Variants in SYTL1 observed in about 807,000 individuals in gnomAD.
SYTL1 encodes the protein synaptotagmin like 1, also known as synaptotagmin-like protein 1.
In SYTL1, 53 loss-of-function variants were observed where a neutral mutation model predicts 74.6. The ratio of observed to expected loss-of-function variants is 0.71; its 90% confidence interval spans 0.57 to 0.89. SYTL1 has a LOEUF of 0.89. Ranked by LOEUF, SYTL1 falls within the 40% of genes least tolerant of loss-of-function variation. SYTL1 has a pLI of 0.00. For synonymous variants in SYTL1, 329 were observed against 324.9 expected (o/e 1.01, Z -0.14); for missense variants, 728 against 768.7 (o/e 0.95, Z 0.63).
chr1:27,353,679 A>T, intron 14 of SYTL1, 34 bp from the exon 15 acceptor site: 1 of 1,601,800 alleles, frequency 6.2e-7, no homozygotes, highest in East Asian at 2.2e-5. Flanking sequence ...GTCCAGTGTG[A>T]TCATGCCCTC....
Position 27,353,437 on chromosome 1 carries a change from G to A in SYTL1, c.1498G>A (p.Gly500Arg), listed in dbSNP as rs1557548964. ...ACAELSLWDH[G>R]ALANRQLGGT... ...TGCCGAGCTCTCCCTCTGGGACCAT[G>A]GGGCCCTGGCCAACCGCCAGCTGGG... The change falls in exon 14 of 15, where the codon GGG becomes AGG. Residue 500 changes from glycine (G) to arginine (R), a missense_variant. By Grantham distance (125) the Gly-to-Arg change is moderately radical (BLOSUM62 -2). Transcript: ENST00000616558. 2 of 1,610,050 alleles carry A rather than the reference G, an allele frequency of 1.2e-6. No individual in the cohort carries two copies. The highest frequency in any genetic ancestry group is 1.7e-6 in the Non-Finnish European group (2 of 1,178,864).
At position 27,345,320 on chromosome 1, in the gene SYTL1, G is replaced by A. The variant is rs1004986841; in HGVS notation, c.-15G>A. On this transcript the variant is annotated 5_prime_UTR_variant, in exon 2 of 15. Transcript: ENST00000616558. The surrounding 1 kb of genome is among the most constrained non-coding windows in gnomAD (Gnocchi z 6.0). ...AGGAAGCTCCGTGTGCCCAGCTGGG[G>A]CACAGCCCCAGCTGATGCCCCAGAG... 9 of 1,470,008 alleles carry A rather than the reference G, an allele frequency of 6.1e-6. No individual in the cohort carries two copies. Among genetic ancestry groups the A allele is most frequent in the Non-Finnish European group, 8.1e-6 (9 of 1,111,434 alleles). 91.1% of individuals were successfully genotyped at this position (1,470,008 alleles called of 1,614,324 possible).
chr1:27,350,661 C>T lies in SYTL1; in HGVS notation c.1006-133C>T. On this transcript the variant is annotated intron_variant, in intron 10 of 14. Transcript: ENST00000616558. The surrounding 1 kb of genome is among the most constrained non-coding windows in gnomAD (Gnocchi z 6.3). ...GGTGGGCGTGGTGATAGTGCAGGTCCCCATTAATGCCCTTAGGGGCTCCCC... is the reference window on the plus strand; with the variant it reads ...GGTGGGCGTGGTGATAGTGCAGGTCTCCATTAATGCCCTTAGGGGCTCCCC... 1.7e-6 allele frequency: 2 copies of T among 1,161,176 alleles called. No homozygotes were observed. The highest frequency in any genetic ancestry group is 2.4e-6 in the Non-Finnish European group (2 of 816,954). The allele number at this position is 1,161,176 out of a possible 1,614,324, so 71.9% of individuals were successfully genotyped here.
Position 27,350,962 on chromosome 1 carries a change from C to G in SYTL1, c.1164+10C>G. Reference sequence around the variant, plus strand: ...CCCCCTGCAGCCCCGGGTGAGGCAGCCAGGCCGCGTGGGGAGACCTGCGGC... The same window carrying G: ...CCCCCTGCAGCCCCGGGTGAGGCAGGCAGGCCGCGTGGGGAGACCTGCGGC... On this transcript the variant is annotated intron_variant, in intron 11 of 14. Coordinates refer to ENST00000616558, the MANE Select transcript of SYTL1 (RefSeq NM_001193308.2). This position sits in a 1 kb window ranked among gnomAD's most constrained non-coding sequence, Gnocchi z 6.3. 6.2e-7 allele frequency: 1 copy of G among 1,612,546 alleles called. No homozygotes were observed. Among genetic ancestry groups the G allele is most frequent in the Non-Finnish European group, 8.5e-7 (1 of 1,179,634 alleles).
chr1:27,345,595 A>T lies in SYTL1; in HGVS notation c.191+70A>T. The T allele has an allele frequency of 9.4e-7, 1 of 1,067,188 alleles. No homozygotes were observed. Among genetic ancestry groups the T allele is most frequent in the South Asian group, 1.6e-5 (1 of 62,004 alleles). The allele number at this position is 1,067,188 out of a possible 1,614,324, so 66.1% of individuals were successfully genotyped here. On this transcript the variant is annotated intron_variant, in intron 2 of 14. Transcript: ENST00000616558. This position sits in a 1 kb window ranked among gnomAD's most constrained non-coding sequence, Gnocchi z 6.0. The stretch of plus-strand genomic sequence containing the variant: ...GTGGCCCCCATCCTGCTCCCTACCG[A>T]CACCACTGCCTGTCAGATGTCTGCG...
rs959524548 is a variant in SYTL1 at position 27,348,511 on chromosome 1, C to T, written c.459+499C>T. Among the ~76,000 whole-genome samples the T allele has an allele frequency of 7.9e-5, 12 of 152,082 alleles. No homozygotes were observed. The highest frequency in any genetic ancestry group is 1.6e-4 in the Non-Finnish European group (11 of 68,006). On this transcript the variant is annotated intron_variant, in intron 5 of 14. Transcript: ENST00000616558. The surrounding 1 kb of genome is among the most constrained non-coding windows in gnomAD (Gnocchi z 4.1). The stretch of plus-strand genomic sequence containing the variant: ...TCACCTGAGGTCAGGAGCTCAAGAC[C>T]AGCCTGACTAACATGGAGAAACCCC...
Position 27,349,783 on chromosome 1 carries a change from G to A in SYTL1, c.747+18G>A. On this transcript the variant is annotated intron_variant, in intron 8 of 14. Transcript: ENST00000616558. The stretch of plus-strand genomic sequence containing the variant: ...CCTCCACGGTGAGGCGGGAGGGAGG[G>A]GACCCGGGCGGCCGGGGGGTGGACC... 1 of 1,579,402 alleles carries A rather than the reference G, an allele frequency of 6.3e-7. No homozygotes were observed.
chr1:27,342,762 A>G lies in SYTL1; in HGVS notation c.-39+612A>G, dbSNP rs553070883. On this transcript the variant is annotated intron_variant, in intron 1 of 14. Transcript: ENST00000616558. The surrounding 1 kb of genome is among the most constrained non-coding windows in gnomAD (Gnocchi z 4.7). Reference sequence around the variant, plus strand: ...CACAGCTCACAGACTCACGCAACGCAGACATGCCCACCAGACTCGGACCCA... The same window carrying G: ...CACAGCTCACAGACTCACGCAACGCGGACATGCCCACCAGACTCGGACCCA... Among the ~76,000 whole-genome samples, 2 of 152,348 alleles carry G rather than the reference A, an allele frequency of 1.3e-5. No individual in the cohort carries two copies. Among genetic ancestry groups the G allele is most frequent in the South Asian group, 2.1e-4 (1 of 4,830 alleles).
chr1:27,349,616 AAAG>A, intron 7 of SYTL1, 33 bp from the exon 8 acceptor site: 1 of 1,568,726 alleles, frequency 6.4e-7, no homozygotes, highest in Non-Finnish European at 8.6e-7. Flanking sequence ...AGGGGTGGGG[AAAG>A]AAGGGGCGCC....
rs1403274391 is a variant in SYTL1 at position 27,343,016 on chromosome 1, G to A, written c.-39+866G>A. Among the ~76,000 whole-genome samples the A allele has an allele frequency of 6.6e-6, 1 of 152,262 alleles. No individual in the cohort carries two copies. Among genetic ancestry groups the A allele is most frequent in the Non-Finnish European group, 1.5e-5 (1 of 68,048 alleles). ...TTCTGCTCCTGAGGGTGTCAAGAGG[G>A]ATCGCTGGGGCTCGGCCACTGACTC... On this transcript the variant is annotated intron_variant, in intron 1 of 14. Transcript: ENST00000616558. This position sits in a 1 kb window ranked among gnomAD's most constrained non-coding sequence, Gnocchi z 5.2.
rs371191271 is a variant in SYTL1, at chr1:27,347,382, G to C, written c.192-39G>C. ...AATGTAGGTGGCGGGAATGTTGCTT[G>C]GGTGAGTCATGACAGCCACACCCTC... On this transcript the variant is annotated intron_variant, in intron 2 of 14. Coordinates refer to ENST00000616558, the MANE Select transcript of SYTL1 (RefSeq NM_001193308.2). The surrounding 1 kb of genome is among the most constrained non-coding windows in gnomAD (Gnocchi z 4.9). The C allele has an allele frequency of 3.1e-6, 5 of 1,613,424 alleles. No individual in the cohort carries two copies. The African/African-American group carries it at 5.3e-5, about 17-fold the overall frequency.
chr1:27,347,445 C>T lies in SYTL1; in HGVS notation c.216C>T (p.Asp72=), dbSNP rs1414077965. The T allele has an allele frequency of 8.1e-6, 13 of 1,613,966 alleles. No homozygotes were observed. Among genetic ancestry groups the T allele is most frequent in the African/African-American group, 2.7e-5 (2 of 74,948 alleles). ...GCAAGCTCCGGGCCTCAGTGGCAGA[C>T]CCTGGGCAGCTGAAGATCCTGACAG... ...RVSKLRASVA[D]PGQLKILTGD... Residue 72 remains aspartate (D), a synonymous_variant, in exon 3 of 15, where the codon GAC becomes GAT. Coordinates refer to ENST00000616558, the MANE Select transcript of SYTL1 (RefSeq NM_001193308.2). The surrounding 1 kb of genome is among the most constrained non-coding windows in gnomAD (Gnocchi z 4.9).
Position 27,345,132 on chromosome 1 carries a change from G to T in SYTL1, c.-38-165G>T. The T allele has an allele frequency of 4.3e-6, 2 of 468,786 alleles. No homozygotes were observed. Among genetic ancestry groups the T allele is most frequent in the Non-Finnish European group, 7.5e-6 (2 of 265,036 alleles). 29.0% of individuals were successfully genotyped at this position (468,786 alleles called of 1,614,324 possible). On this transcript the variant is annotated intron_variant, in intron 1 of 14. Coordinates refer to ENST00000616558, the MANE Select transcript of SYTL1 (RefSeq NM_001193308.2). This position sits in a 1 kb window ranked among gnomAD's most constrained non-coding sequence, Gnocchi z 6.0. ...TCTCCAAGTGTGTTCAAGGGCTAGTGTATGCATGTGTGCATGAGTGTCTCT... is the reference window on the plus strand; with the variant it reads ...TCTCCAAGTGTGTTCAAGGGCTAGTTTATGCATGTGTGCATGAGTGTCTCT...
rs757500326 is a variant in SYTL1, at chr1:27,349,118, T to C, written c.498T>C (p.Ala166=). 9 of 1,613,950 alleles carry C rather than the reference T, an allele frequency of 5.6e-6. No individual in the cohort carries two copies. Among genetic ancestry groups the C allele is most frequent in the Admixed American group, 5.0e-5 (3 of 59,986 alleles). The change falls in exon 6 of 15, where the codon GCT becomes GCC. Residue 166 remains alanine, a synonymous_variant. Coordinates refer to ENST00000616558, the MANE Select transcript of SYTL1 (RefSeq NM_001193308.2). ...CATCGCCTTCTGTCCCCCTAAAGGC[T>C]TCAGATCCTGAGGAGGCGTCCCAGG... ...DFPSPSVPLK[A]SDPEEASQAQ...
At chr1:27,353,574 C>A in intron 14 of SYTL1, 86 bp downstream of exon 14, 3 of 1,533,574 alleles carry the variant, frequency 2.0e-6, no homozygotes, top group Non-Finnish European at 2.7e-6. Context: ...ACCTCTCTGT[C>A]CTTTCCTGAG....
In SYTL1 at chr1:27,350,451, G is replaced by A. The variant is rs761181092; in HGVS notation, c.971G>A (p.Arg324Gln). 1.9e-6 allele frequency: 3 copies of A among 1,614,050 alleles called. No homozygotes were observed. Among genetic ancestry groups the A allele is most frequent in the Admixed American group, 3.3e-5 (2 of 60,016 alleles). The change falls in exon 10 of 15, where the codon CGG becomes CAG. Residue 324 changes from arginine (R) to glutamine (Q), a missense_variant. Transcript: ENST00000616558. The surrounding 1 kb of genome is among the most constrained non-coding windows in gnomAD (Gnocchi z 6.3). ...AAGCGCAAGACGGCGGTGAAGAAAC[G>A]GAATCTGAATCCGGTTTTCAACGAG... ...QSKRKTAVKK[R>Q]NLNPVFNETL...
rs1213013906 is a variant in SYTL1 at position 27,343,521 on chromosome 1, G to C, written c.-39+1371G>C. ...CAGACAGGAAGGCCAAGTGGGCCAGGGCAGGGTGGAGGTGGTGGCAGGAGG... is the reference window on the plus strand; with the variant it reads ...CAGACAGGAAGGCCAAGTGGGCCAGCGCAGGGTGGAGGTGGTGGCAGGAGG... On this transcript the variant is annotated intron_variant, in intron 1 of 14. Transcript: ENST00000616558. This position sits in a 1 kb window ranked among gnomAD's most constrained non-coding sequence, Gnocchi z 5.2. Among the ~76,000 whole-genome samples, 1 of 152,130 alleles carries C rather than the reference G, an allele frequency of 6.6e-6. No individual in the cohort carries two copies. The highest frequency in any genetic ancestry group is 1.5e-5 in the Non-Finnish European group (1 of 68,038).
intron 13 of SYTL1, chr1:27,353,082 G>A (rs535928933): frequency 2.4e-5 from 15 of 612,288 alleles, no homozygotes; most frequent in Middle Eastern, 4.4e-4. Context: ...AACCTCGCCC[G>A]GCCAGGAGCT....
At chr1:27,349,523 C>T in intron 7 of SYTL1, 25 bp downstream of exon 7, 9 of 1,459,300 alleles carry the variant, frequency 6.2e-6, no homozygotes, top group Non-Finnish European at 8.2e-6. Flanking sequence ...CCCGTGGCTG[C>T]TCTCAACATC....
Sources: gnomAD v4.1 joint callset for allele counts (sites outside exome capture counted in the v4.1 genomes callset) on GRCh38, gnomAD v4.1.1 for gene constraint, Gnocchi (gnomAD v3.1) non-coding constraint, MANE v1.5 for transcripts, NCBI Gene and HGNC (gene_info 2026-07-23, HGNC 2026-07-21) for gene names.